Variants in FOXO3 observed in about 807,000 individuals in gnomAD.
FOXO3 encodes forkhead box O3.
In FOXO3, 4 loss-of-function variants were observed where a neutral mutation model predicts 41.9. That is an observed-to-expected ratio of 0.10 (90% CI 0.05 to 0.22). The LOEUF is 0.22. FOXO3 is among the 10% of genes least tolerant of loss of function. The pLI, the probability that FOXO3 is intolerant of heterozygous loss-of-function variation, is 1.00. For missense variants in FOXO3, 534 were observed against 906.8 expected (o/e 0.59, Z 5.28); for synonymous variants, 318 against 389.3 (o/e 0.82, Z 2.16).
intron 1 of FOXO3, among the ~76,000 whole-genome samples, chr6:108,586,960 T>C (rs1425386834): frequency 8.2e-5 from 12 of 146,796 alleles, no homozygotes; most frequent in Non-Finnish European, 1.6e-4. Context: ...ATTATTATTA[T>C]TATTATTATT....
intron 1 of FOXO3, among the ~76,000 whole-genome samples, chr6:108,592,311 G>GA (rs1186252593): frequency 6.6e-6 from 1 of 151,926 alleles, no homozygotes; most frequent in South Asian, 2.1e-4. Flanking sequence ...GATTTGAACC[G>GA]AAAAAAGGGG....
rs1426914776 is a variant in FOXO3, at chr6:108,561,560, G to A, written c.352G>A (p.Gly118Arg). 4 of 1,434,156 alleles carry A rather than the reference G, an allele frequency of 2.8e-6. No individual in the cohort carries two copies. The highest frequency in any genetic ancestry group is 1.5e-5 in the African/African-American group (1 of 66,780). The allele number at this position is 1,434,156 out of a possible 1,614,324, so 88.8% of individuals were successfully genotyped here. The change falls in exon 1 of 3, where the codon GGG becomes AGG. Residue 118 changes from glycine to arginine, a missense_variant. This residue lies in a region of FOXO3 where 139 missense variants were observed against 163.7 expected (regional missense o/e 0.85). Transcript: ENST00000406360. ...GTCTGGGCCAGCCACCGCGGCGGGC[G>A]GGCTGAGCGGGGGTACACAGGCGCT... ...PGSGPATAAG[G>R]LSGGTQALLQ...
intron 1 of FOXO3, among the ~76,000 whole-genome samples, chr6:108,637,732 T>C (rs1188639813): frequency 1.3e-5 from 2 of 152,156 alleles, no homozygotes; most frequent in African/African-American, 4.8e-5. Context: ...CTCTTCCCCC[T>C]TTTGGTCTCT....
At position 108,646,669 on chromosome 6, in the gene FOXO3, T is replaced by A. The variant is rs573916043; in HGVS notation, c.622-16786T>A. Among the ~76,000 whole-genome samples, 93 of 152,304 alleles carry A rather than the reference T, an allele frequency of 6.1e-4. 1 individual carries two copies. Among genetic ancestry groups the A allele is most frequent in the East Asian group, 9.6e-4 (5 of 5,182 alleles). Reference sequence around the variant, plus strand: ...TGATAGTTTATTCCTGTGACTTCGATTGCTAAAGGTAGGTTTTCTTGGAGA... The same window carrying A: ...TGATAGTTTATTCCTGTGACTTCGAATGCTAAAGGTAGGTTTTCTTGGAGA... On this transcript the variant is annotated intron_variant, in intron 1 of 2. Coordinates refer to ENST00000406360, the MANE Select transcript of FOXO3 (RefSeq NM_001455.4).
intron 1 of FOXO3, among the ~76,000 whole-genome samples, chr6:108,633,739 T>C (rs969161708): frequency 6.6e-6 from 1 of 152,156 alleles, no homozygotes; most frequent in African/African-American, 2.4e-5. Context: ...GGTTCCCTGT[T>C]ATAAGTGGCT....
At chr6:108,659,913 C>G (rs1010667321) in intron 1 of FOXO3, among the ~76,000 whole-genome samples, 3 of 152,162 alleles carry the variant, frequency 2.0e-5, no homozygotes, top group Non-Finnish European at 2.9e-5. Flanking sequence ...AGATGTTTCA[C>G]ACTTTTTCTC....
intron 1 of FOXO3, among the ~76,000 whole-genome samples, chr6:108,640,252 C>T (rs1200382456): frequency 6.6e-6 from 1 of 152,166 alleles, no homozygotes; most frequent in Non-Finnish European, 1.5e-5. Context: ...AGGGCTGTGG[C>T]ACAGTAAGCC....
rs920626252 is a variant in FOXO3, at chr6:108,610,002, A to G, written c.621+48173A>G. On this transcript the variant is annotated intron_variant, in intron 1 of 2. Coordinates refer to ENST00000406360, the MANE Select transcript of FOXO3 (RefSeq NM_001455.4). ...GGGGAAACCTGTCACCACTCCTCTT[A>G]TCTGAGTTCCTTGCAGATTTGGCCA... Among the ~76,000 whole-genome samples the G allele has an allele frequency of 7.2e-5, 11 of 152,248 alleles. No homozygotes were observed. The East Asian group carries it at 1.9e-3, about 27-fold the overall frequency.
At chr6:108,676,708 T>C (rs1418444639) in intron 2 of FOXO3, among the ~76,000 whole-genome samples, 1 of 152,266 alleles carries the variant, frequency 6.6e-6, no homozygotes, top group Non-Finnish European at 1.5e-5. Flanking sequence ...TATCATTGAC[T>C]TTCCCAGCTC....
intron 1 of FOXO3, among the ~76,000 whole-genome samples, chr6:108,590,097 A>T (rs1351411096): frequency 6.6e-6 from 1 of 152,194 alleles, no homozygotes; most frequent in Admixed American, 6.5e-5. Context: ...ATAAAGTTAA[A>T]TATGAAGACT....
chr6:108,656,216 C>T lies in FOXO3; in HGVS notation c.622-7239C>T, dbSNP rs141053283. 6 of 238,020 alleles carry T rather than the reference C, an allele frequency of 2.5e-5. No individual in the cohort carries two copies. The South Asian group carries it at 4.7e-4, about 19-fold the overall frequency. 14.7% of individuals were successfully genotyped at this position (238,020 alleles called of 1,614,324 possible). ...CTTTTAAGAGTTAAATTACACAACT[C>T]GCTTTTTATTTTTAAAGTGAGCAGA... is the stretch of plus-strand genomic sequence containing the variant. On this transcript the variant is annotated intron_variant, in intron 1 of 2. Coordinates refer to ENST00000406360, the MANE Select transcript of FOXO3 (RefSeq NM_001455.4).
intron 1 of FOXO3, among the ~76,000 whole-genome samples, chr6:108,565,293 G>A (rs2128355317): frequency 6.6e-6 from 1 of 152,294 alleles, no homozygotes; most frequent in South Asian, 2.1e-4. Flanking sequence ...ACTGTGTCAG[G>A]GAGAAGGATG....
intron 1 of FOXO3, among the ~76,000 whole-genome samples, chr6:108,661,582 C>T (rs1343504008): frequency 6.6e-6 from 1 of 152,084 alleles, no homozygotes; most frequent in Non-Finnish European, 1.5e-5. Flanking sequence ...ATAAGAACAC[C>T]CTGACTTCAT....
At chr6:108,591,926 A>G (rs1015882744) in intron 1 of FOXO3, among the ~76,000 whole-genome samples, 1 of 152,198 alleles carries the variant, frequency 6.6e-6, no homozygotes, top group Non-Finnish European at 1.5e-5. Context: ...ACATGTCAGT[A>G]CAAAGGGAAT....
At chr6:108,659,306 C>G (rs1454755947) in intron 1 of FOXO3, among the ~76,000 whole-genome samples, 1 of 152,076 alleles carries the variant, frequency 6.6e-6, no homozygotes, top group Admixed American at 6.6e-5. Flanking sequence ...CCTATTCTTT[C>G]TTAAATGTGA....
At chr6:108,618,510 G>A (rs1032941579) in intron 1 of FOXO3, among the ~76,000 whole-genome samples, 4 of 152,236 alleles carry the variant, frequency 2.6e-5, no homozygotes, top group Non-Finnish European at 4.4e-5. Flanking sequence ...CAGTGGTATC[G>A]TTTTGAAGCT....
At chr6:108,648,692 G>A (rs1778461480) in intron 1 of FOXO3, among the ~76,000 whole-genome samples, 1 of 152,086 alleles carries the variant, frequency 6.6e-6, no homozygotes. Context: ...TAAAGCAGTG[G>A]ACTGTCAAGA....
intron 1 of FOXO3, among the ~76,000 whole-genome samples, chr6:108,649,515 CTTTTTTTTTTTTT>C (rs886836999): frequency 1.1e-5 from 1 of 95,206 alleles, no homozygotes; most frequent in Non-Finnish European, 2.1e-5. Flanking sequence ...CCACCCTCAG[CTTTTTTTTTTTTT>C]TTTTTTTTTT....
At chr6:108,567,439 C>T (rs1196486681) in intron 1 of FOXO3, among the ~76,000 whole-genome samples, 3 of 152,156 alleles carry the variant, frequency 2.0e-5, no homozygotes, top group Non-Finnish European at 4.4e-5. Flanking sequence ...TCTGGCCTTC[C>T]TCTGGAGTGG....
Sources: gnomAD v4.1 joint callset for allele counts (sites outside exome capture counted in the v4.1 genomes callset) on GRCh38, gnomAD v4.1.1 for gene constraint, gnomAD v4.1.1 regional missense constraint, MANE v1.5 for transcripts, NCBI Gene and HGNC (gene_info 2026-07-23, HGNC 2026-07-21) for gene names.